Variants in DOCK6 observed in about 807,000 individuals in gnomAD.
The protein encoded by DOCK6 is dedicator of cytokinesis protein 6.
A neutral mutation model predicts 230.3 loss-of-function variants in DOCK6; 167 were observed. That is an observed-to-expected ratio of 0.73 (90% confidence interval 0.64 to 0.82). The LOEUF is 0.82. Ranked by LOEUF, DOCK6 falls within the 40% of genes least tolerant of loss-of-function variation. The pLI, the probability that DOCK6 is intolerant of heterozygous loss-of-function variation, is 0.00. For missense variants in DOCK6, 2,598 were observed against 2,825.8 expected (o/e 0.92, Z 1.83); for synonymous variants, 1,148 against 1,185.0 (o/e 0.97, Z 0.64).
chr19:11,240,420 G>A (rs2079924728), intron 14 of DOCK6: 1 of 1,005,558 alleles, frequency 9.9e-7, no homozygotes, highest in East Asian at 2.7e-5. Context: ...TACCCTGCAT[G>A]TCCCCAGACA....
rs1359317394 is a variant in DOCK6 at position 11,202,310 on chromosome 19, G to T, written c.5451+84C>A. The T allele has an allele frequency of 6.6e-7, 1 of 1,511,548 alleles. No individual in the cohort carries two copies. Among genetic ancestry groups the T allele is most frequent in the Admixed American group, 2.0e-5 (1 of 49,968 alleles). 93.6% of individuals were successfully genotyped at this position (1,511,548 alleles called of 1,614,324 possible). A position where few individuals can be genotyped will look rare whatever the true frequency, so the allele number is the denominator to read the frequency against. ...GAAATATGATTTGGGGTTTCCCAGA[G>T]AAAGAGGATTTGAGGGTCCCCAGGA... On this transcript the variant is annotated intron_variant, in intron 43 of 47. Coordinates refer to ENST00000294618, the MANE Select transcript of DOCK6 (RefSeq NM_020812.4). The surrounding 1 kb of genome is among the most constrained non-coding windows in gnomAD (Gnocchi z 5.3).
intron 31 of DOCK6, 85 bp downstream of exon 31, chr19:11,215,716 G>A (rs2079474398): frequency 6.3e-7 from 1 of 1,596,694 alleles, no homozygotes; most frequent in Non-Finnish European, 8.6e-7. Context: ...AAGTAAGCTA[G>A]GGATGGCCCC....
intron 13 of DOCK6, 109 bp downstream of exon 13, chr19:11,242,949 TG>T: frequency 8.1e-7 from 1 of 1,239,884 alleles, no homozygotes; most frequent in Non-Finnish European, 1.2e-6. Context: ...TTGTCCATCA[TG>T]GTCATCGTTG....
Position 11,208,802 on chromosome 19 carries a change from A to T in DOCK6, c.4972T>A (p.Ser1658Thr). 1 of 1,613,298 alleles carries T rather than the reference A, an allele frequency of 6.2e-7. No homozygotes were observed. ...QNISSNVLEE[S>T]AISDDILSPD... ...GACAGGATGTCGTCGGAGATGGCGG[A>T]CTCCTCTAGCACGTTGGATGAGATG... is the stretch of plus-strand genomic sequence containing the variant. The change falls in exon 39 of 48, where the codon TCC (serine) becomes ACC (threonine). Residue 1658 changes from serine to threonine, a missense_variant. By Grantham distance (58) the Ser-to-Thr change is moderately conservative. Transcript: ENST00000294618.
Position 11,215,389 on chromosome 19 carries a change from G to A in DOCK6, c.4104C>T (p.Asp1368=), listed in dbSNP as rs1568227054. The A allele has an allele frequency of 6.2e-7, 1 of 1,613,080 alleles. No individual in the cohort carries two copies. The highest frequency in any genetic ancestry group is 1.3e-5 in the African/African-American group (1 of 74,792). Residue 1368 remains aspartate (D), a splice_region_variant and synonymous_variant, in exon 32 of 48, where the codon GAC becomes GAT. Coordinates refer to ENST00000294618, the MANE Select transcript of DOCK6 (RefSeq NM_020812.4). The part of the protein sequence containing the change: ...THWKQTSDRV[D]KTKDEMEHEA... Reference sequence around the variant, plus strand: ...GACACCCTCCTGCCCACACCTACTTGTCCACGCGGTCTGAGGTTTGCTTCC... The same window carrying A: ...GACACCCTCCTGCCCACACCTACTTATCCACGCGGTCTGAGGTTTGCTTCC...
intron 14 of DOCK6, chr19:11,241,686 G>C (rs1459088026): frequency 1.3e-6 from 2 of 1,583,042 alleles, no homozygotes; most frequent in Non-Finnish European, 1.7e-6. Flanking sequence ...CTCCCAGCCT[G>C]AATCTGCCTG....
chr19:11,210,725 T>C lies in DOCK6; in HGVS notation c.4751+1051A>G, dbSNP rs1176917704. 2.2e-5 allele frequency among the ~76,000 whole-genome samples: 3 copies of C among 139,208 alleles called. No individual in the cohort carries two copies. In the South Asian group the frequency reaches 7.3e-4, roughly 34 times the overall value. The allele number at this position is 139,208 out of a possible 152,430, so 91.3% of individuals were successfully genotyped here. A position where few individuals can be genotyped will look rare whatever the true frequency, so the allele number is the denominator to read the frequency against. ...ACCCCTCACCTGTCCATCCTTTCAC[T>C]GTCTCTTCACCTGTCCACCCCCTCA... is the stretch of plus-strand genomic sequence containing the variant. On this transcript the variant is annotated intron_variant, in intron 37 of 47. Transcript: ENST00000294618.
intron 37 of DOCK6, among the ~76,000 whole-genome samples, chr19:11,210,694 C>G (rs2079367805): frequency 6.8e-6 from 1 of 147,744 alleles, no homozygotes; most frequent in African/African-American, 2.5e-5. Context: ...ACCCCTTTAC[C>G]TATCTACCCC....
In DOCK6 at chr19:11,208,706, C is replaced by T; in HGVS notation, c.5068G>A (p.Ala1690Thr). ...CTCACCATGGTGAAGTAGCCGGCTG[C>T]CTGTTCCAGCAACCCTACCAGCCCC... ...ELGLVGLLEQ[A>T]AGYFTMGGLY... is the part of the protein sequence containing the mutation. The change falls in exon 39 of 48, where the codon GCA (alanine) becomes ACA (threonine). Residue 1690 changes from alanine (A) to threonine (T), a missense_variant. Physicochemically the swap from Ala to Thr is moderately conservative, Grantham distance 58. Transcript: ENST00000294618. 6.2e-7 allele frequency: 1 copy of T among 1,611,926 alleles called. No individual in the cohort carries two copies. Among genetic ancestry groups the T allele is most frequent in the Non-Finnish European group, 8.5e-7 (1 of 1,178,328 alleles).
At chr19:11,253,494 T>C in intron 2 of DOCK6, 145 bp downstream of exon 2, 1 of 492,098 alleles carries the variant, frequency 2.0e-6, no homozygotes, top group Non-Finnish European at 3.4e-6. Context: ...AGGCACTCCC[T>C]CCCCCGACAC....
chr19:11,236,281 C>T lies in DOCK6; in HGVS notation c.2392+65G>A. Reference sequence around the variant, plus strand: ...GTAAATGGGCTTATAGAAGATCCCTCAGGACCTCAGGACTGAGAAGCCATG... The same window carrying T: ...GTAAATGGGCTTATAGAAGATCCCTTAGGACCTCAGGACTGAGAAGCCATG... On this transcript the variant is annotated intron_variant, in intron 20 of 47. Transcript: ENST00000294618. This position sits in a 1 kb window ranked among gnomAD's most constrained non-coding sequence, Gnocchi z 5.2. 7.1e-7 allele frequency: 1 copy of T among 1,416,910 alleles called. No individual in the cohort carries two copies. Among genetic ancestry groups the T allele is most frequent in the Non-Finnish European group, 9.6e-7 (1 of 1,043,500 alleles). 87.8% of individuals were successfully genotyped at this position (1,416,910 alleles called of 1,614,324 possible). A position where few individuals can be genotyped will look rare whatever the true frequency, so the allele number is the denominator to read the frequency against.
intron 24 of DOCK6, among the ~76,000 whole-genome samples, chr19:11,223,461 A>G (rs974622733): frequency 1.3e-5 from 2 of 152,110 alleles, no homozygotes; most frequent in Non-Finnish European, 2.9e-5. Flanking sequence ...GGCCACTTAT[A>G]TGGCAGAAGC....
At chr19:11,204,050 G>A (rs2147705230) in intron 41 of DOCK6, 31 bp downstream of exon 41, 3 of 1,545,684 alleles carry the variant, frequency 1.9e-6, no homozygotes, top group Admixed American at 2.0e-5. Flanking sequence ...GGGTCCCAGA[G>A]GCAGGTGGCT....
At chr19:11,239,883 C>A in intron 14 of DOCK6, 1 of 1,595,192 alleles carries the variant, frequency 6.3e-7, no homozygotes, top group Admixed American at 1.8e-5. Context: ...AGGAGGTCAG[C>A]CGGGGCCGGG....
Position 11,203,779 on chromosome 19 carries a change from G to C in DOCK6, c.5235+302C>G, listed in dbSNP as rs2079210204. ...GAGAAAGAGACCAAGAGACCATGAG[G>C]GAGTCAAGAGTCACCCCGCCACCCC... On this transcript the variant is annotated intron_variant, in intron 41 of 47. Coordinates refer to ENST00000294618, the MANE Select transcript of DOCK6 (RefSeq NM_020812.4). 3 of 531,232 alleles carry C rather than the reference G, an allele frequency of 5.6e-6. No individual in the cohort carries two copies. In the South Asian group the frequency reaches 7.8e-5, roughly 14 times the overall value. 32.9% of individuals were successfully genotyped at this position (531,232 alleles called of 1,614,324 possible). A position where few individuals can be genotyped will look rare whatever the true frequency, so the allele number is the denominator to read the frequency against.
chr19:11,204,661 TC>T (rs2079228144), intron 39 of DOCK6, among the ~76,000 whole-genome samples: 1 of 152,136 alleles, frequency 6.6e-6, no homozygotes, highest in Admixed American at 6.6e-5. Context: ...CACCCTAGCC[TC>T]CCACATAGCT....
At position 11,243,809 on chromosome 19, in the gene DOCK6, G is replaced by A. The variant is rs1198029378; in HGVS notation, c.1097C>T (p.Thr366Ile). Residue 366 changes from threonine (T) to isoleucine (I), a missense_variant, in exon 10 of 48, where the codon ACA (threonine) becomes ATA (isoleucine). Thr to Ile is a moderately conservative substitution (Grantham distance 89). Coordinates refer to ENST00000294618, the MANE Select transcript of DOCK6 (RefSeq NM_020812.4). This position sits in a 1 kb window ranked among gnomAD's most constrained non-coding sequence, Gnocchi z 6.3. ...EPYMVLKEVD[T>I]AKNKEKLEKL... ...CAGCCTCCACACGCTTACCTTGGCT[G>A]TGTCCACTTCTTTCAACACCATGTA... The A allele has an allele frequency of 1.9e-6, 3 of 1,613,022 alleles. No homozygotes were observed. Among genetic ancestry groups the A allele is most frequent in the African/African-American group, 1.3e-5 (1 of 74,920 alleles).
Position 11,222,205 on chromosome 19 carries a change from C to T in DOCK6, c.3284G>A (p.Ser1095Asn). The T allele has an allele frequency of 6.2e-7, 1 of 1,606,366 alleles. No individual in the cohort carries two copies. The highest frequency in any genetic ancestry group is 2.2e-5 in the East Asian group (1 of 44,584). ...GAATGGTCCACTCAGTTCGAACATG[C>T]TGGTCACCTTGGGGTCCGGGGCTTG... The part of the protein sequence containing the change: ...SSQAPDPKVT[S>N]MFELSGPFRQ... The change falls in exon 27 of 48, where the codon AGC becomes AAC. Residue 1095 changes from serine (S) to asparagine (N), a missense_variant. Ser to Asn is a conservative substitution (Grantham distance 46). Coordinates refer to ENST00000294618, the MANE Select transcript of DOCK6 (RefSeq NM_020812.4). The surrounding 1 kb of genome is among the most constrained non-coding windows in gnomAD (Gnocchi z 4.0).
Position 11,259,556 on chromosome 19 carries a change from C to CTT in DOCK6, c.44+2839_44+2840dup, listed in dbSNP as rs756965986. Among the ~76,000 whole-genome samples the CTT allele has an allele frequency of 3.6e-3, 373 of 103,640 alleles. 21 individuals carry two copies. Among genetic ancestry groups the CTT allele is most frequent in the Non-Finnish European group, 4.4e-3 (235 of 53,182 alleles). 68.0% of individuals were successfully genotyped at this position (103,640 alleles called of 152,430 possible). ...CCTCCAATGAATCATTATTTCTTTTCTTTTTTTTTTTTTTTTTTTGAGATG... is the reference window on the plus strand; with the variant it reads ...CCTCCAATGAATCATTATTTCTTTTCTTTTTTTTTTTTTTTTTTTTTGAGATG... On this transcript the variant is annotated intron_variant, in intron 1 of 47. Coordinates refer to ENST00000294618, the MANE Select transcript of DOCK6 (RefSeq NM_020812.4).
Sources: gnomAD v4.1 joint callset for allele counts (sites outside exome capture counted in the v4.1 genomes callset) on GRCh38, gnomAD v4.1.1 for gene constraint, Gnocchi (gnomAD v3.1) non-coding constraint, MANE v1.5 for transcripts, NCBI Gene and HGNC (gene_info 2026-07-23, HGNC 2026-07-21) for gene names.